KIAA1217: variants seen among roughly 807,000 people sequenced by gnomAD.
KIAA1217 encodes the protein KIAA1217.
A neutral mutation model predicts 163.9 loss-of-function variants in KIAA1217; 88 were observed. The ratio of observed to expected loss-of-function variants is 0.54; its 90% CI spans 0.45 to 0.64. KIAA1217 has a LOEUF of 0.64. Ranked by LOEUF, KIAA1217 falls within the 30% of genes least tolerant of loss-of-function variation. The probability of loss-of-function intolerance (pLI) is 0.00; values close to 1 mark genes in which losing one functional copy is unlikely to be tolerated. For synonymous variants in KIAA1217, 903 were observed against 923.1 expected (o/e 0.98, Z 0.39); for missense variants, 2,372 against 2,475.0 (o/e 0.96, Z 0.88).
chr10:24,094,010 A>G (rs1015564580), intron 2 of KIAA1217, among the ~76,000 whole-genome samples: 11 of 151,872 alleles, frequency 7.2e-5, no homozygotes, highest in Admixed American at 1.3e-4. Context: ...ATAGTATTCC[A>G]TGGTGTATAT....
chr10:23,716,327 G>A (rs189867514), intron 1 of KIAA1217, among the ~76,000 whole-genome samples: 6 of 152,174 alleles, frequency 3.9e-5, no homozygotes. Context: ...CTTTGCATTG[G>A]TTTCTTATGC....
At chr10:24,247,976 G>A (rs939612634) in intron 2 of KIAA1217, among the ~76,000 whole-genome samples, 3 of 152,160 alleles carry the variant, frequency 2.0e-5, no homozygotes, top group African/African-American at 7.2e-5. Context: ...GGTTGCCCTG[G>A]AATGTGGCCT....
chr10:24,088,055 T>C (rs2061766920), intron 2 of KIAA1217, among the ~76,000 whole-genome samples: 1 of 123,670 alleles, frequency 8.1e-6, no homozygotes, highest in African/African-American at 2.5e-5. Flanking sequence ...GCCATTCCCA[T>C]TCCACATCTC....
At chr10:24,366,263 G>A (rs901856316) in intron 2 of KIAA1217, among the ~76,000 whole-genome samples, 1 of 151,966 alleles carries the variant, frequency 6.6e-6, no homozygotes, top group Non-Finnish European at 1.5e-5. Context: ...TGGCCAACAT[G>A]GTTAAACCCC....
chr10:24,467,539 A>T (rs2063073965), intron 5 of KIAA1217, among the ~76,000 whole-genome samples: 1 of 152,204 alleles, frequency 6.6e-6, no homozygotes, highest in South Asian at 2.1e-4. Context: ...TCTGTGTTGT[A>T]TTCAGATAAG....
At chr10:24,415,486 G>GGGGAGACA (rs1286260073) in intron 3 of KIAA1217, among the ~76,000 whole-genome samples, 11 of 150,738 alleles carry the variant, frequency 7.3e-5, no homozygotes, top group Admixed American at 5.3e-4. Flanking sequence ...ACTTGCTCTT[G>GGGGAGACA]GGGAAAAAAA....
At chr10:23,706,612 A>C (rs1836901694) in intron 1 of KIAA1217, among the ~76,000 whole-genome samples, 1 of 152,128 alleles carries the variant, frequency 6.6e-6, no homozygotes, top group Non-Finnish European at 1.5e-5. Context: ...TCTTGGGATA[A>C]ATTCTACTTG....
At position 24,102,341 on chromosome 10, in the gene KIAA1217, A is replaced by G. The variant is rs138858275; in HGVS notation, c.-171+94967A>G. Among the ~76,000 whole-genome samples the G allele has an allele frequency of 7.1e-3, 1,088 of 152,360 alleles. 11 individuals carry two copies. The highest frequency in any genetic ancestry group is 0.024 in the Middle Eastern group (7 of 294). ...TAAGTATAAAACTAACAAAATATGT[A>G]TAAGATCTATATGAAGAAAACTCAA... On this transcript the variant is annotated intron_variant, in intron 2 of 18. Coordinates refer to the KIAA1217 transcript ENST00000376462.
At chr10:23,924,666 C>T (rs971772765) in intron 1 of KIAA1217, among the ~76,000 whole-genome samples, 1 of 152,128 alleles carries the variant, frequency 6.6e-6, no homozygotes, top group Non-Finnish European at 1.5e-5. Flanking sequence ...AAATTTCATG[C>T]CTCCAGCGCT....
At chr10:24,208,627 T>A (rs1191818280), upstream of KIAA1217, among the ~76,000 whole-genome samples, 1 of 150,984 alleles carries the variant, frequency 6.6e-6, no homozygotes, top group Admixed American at 6.6e-5. Flanking sequence ...TTTAAGGGAG[T>A]TCACTGAAAT....
At chr10:24,413,311 G>A (rs752965990) in intron 3 of KIAA1217, among the ~76,000 whole-genome samples, 13 of 152,162 alleles carry the variant, frequency 8.5e-5, no homozygotes, top group Admixed American at 2.0e-4. Flanking sequence ...TCAGCCTCCC[G>A]AGTAGCTGGG....
At chr10:24,102,075 T>C (rs1363232877) in intron 2 of KIAA1217, among the ~76,000 whole-genome samples, 1 of 152,072 alleles carries the variant, frequency 6.6e-6, no homozygotes, top group Non-Finnish European at 1.5e-5. Flanking sequence ...AATCCAAAGG[T>C]GTAAAAATTG....
At chr10:23,989,377 TTA>T (rs1846119088) in intron 1 of KIAA1217, among the ~76,000 whole-genome samples, 1 of 152,212 alleles carries the variant, frequency 6.6e-6, no homozygotes, top group African/African-American at 2.4e-5. Context: ...ATGTATTTTT[TTA>T]TGTTAGCTTT....
At chr10:23,822,100 C>T (rs951450667) in intron 1 of KIAA1217, among the ~76,000 whole-genome samples, 18 of 152,172 alleles carry the variant, frequency 1.2e-4, no homozygotes, top group African/African-American at 4.1e-4. Flanking sequence ...TTACTCAGTT[C>T]CCACTCATTT....
intron 2 of KIAA1217, among the ~76,000 whole-genome samples, chr10:24,225,058 AT>A (rs1169314874): frequency 8.6e-5 from 13 of 151,850 alleles, no homozygotes; most frequent in African/African-American, 3.1e-4. Flanking sequence ...ATCTCCTGAC[AT>A]TGTGATCTGC....
intron 2 of KIAA1217, among the ~76,000 whole-genome samples, chr10:24,263,764 A>T (rs905504789): frequency 6.6e-6 from 1 of 152,140 alleles, no homozygotes; most frequent in Non-Finnish European, 1.5e-5. Context: ...CATTTTTATT[A>T]TGAAAATAAT....
chr10:24,252,018 A>C, intron 2 of KIAA1217, among the ~76,000 whole-genome samples: 1 of 152,120 alleles, frequency 6.6e-6, no homozygotes, highest in East Asian at 1.9e-4. Flanking sequence ...ACATCTCACA[A>C]AACATTTTGT....
At chr10:23,879,248 C>T (rs1343186246) in intron 1 of KIAA1217, among the ~76,000 whole-genome samples, 4 of 151,950 alleles carry the variant, frequency 2.6e-5, no homozygotes, top group Admixed American at 1.3e-4. Flanking sequence ...AAAAACCTCC[C>T]GGATGATTCT....
At chr10:24,453,962 T>C (rs548230019) in intron 5 of KIAA1217, among the ~76,000 whole-genome samples, 1 of 152,238 alleles carries the variant, frequency 6.6e-6, no homozygotes, top group South Asian at 2.1e-4. Context: ...AAAGTGGTGA[T>C]AGTATCTTGT....
Sources: allele counts gnomAD v4.1 joint callset (sites outside exome capture counted in the v4.1 genomes callset), GRCh38; gene constraint gnomAD v4.1.1; transcripts MANE v1.5; gene names NCBI Gene and HGNC (gene_info 2026-07-23, HGNC 2026-07-21).